The following INPP5A variants were observed in gnomAD, a reference collection of about 807,000 sequenced individuals.
The protein encoded by INPP5A is inositol polyphosphate-5-phosphatase A, also known as 43 kDa inositol polyphosphate 5-phophatase.
A neutral mutation model predicts 65.2 loss-of-function variants in INPP5A; 14 were observed. The observed-to-expected ratio is 0.21, with a 90% CI of 0.14 to 0.34. INPP5A has a LOEUF of 0.34. Among genes scored for constraint, INPP5A ranks in the 10% least tolerant of loss-of-function variants. The pLI is 1.00. For missense variants in INPP5A, 431 were observed against 545.6 expected, an observed-to-expected ratio of 0.79 and a Z score of 2.09; for synonymous variants, 207 against 208.3, an observed-to-expected ratio of 0.99 and a Z score of 0.05.
At chr10:132,611,101 T>G (rs964161213) in intron 2 of INPP5A, among the ~76,000 whole-genome samples, 733 of 45,326 alleles carry the variant, frequency 0.016, no homozygotes, top group Middle Eastern at 0.03. Context: ...GGATGTGGGG[T>G]GGGAGGTGAG....
rs1447135930 is a variant in INPP5A at position 132,538,234 on chromosome 10, C to T, written c.75+63C>T. ...AACCCCCGACCCTGACCCCGGGGTC[C>T]CGAACTGCAAGCCTTGGACCCTGGA... On this transcript the variant is annotated intron_variant, in intron 1 of 15. Transcript: ENST00000368594. The surrounding 1 kb of genome is among the most constrained non-coding windows in gnomAD (Gnocchi z 4.1). The T allele has an allele frequency of 5.0e-6, 5 of 1,009,580 alleles. No homozygotes were observed. Among genetic ancestry groups the T allele is most frequent in the Non-Finnish European group, 6.4e-6 (5 of 786,224 alleles). The allele number at this position is 1,009,580 out of a possible 1,614,324, so 62.5% of individuals were successfully genotyped here.
intron 9 of INPP5A, among the ~76,000 whole-genome samples, chr10:132,737,380 C>T (rs2134608895): frequency 6.6e-6 from 1 of 152,240 alleles, no homozygotes; most frequent in East Asian, 1.9e-4. Flanking sequence ...CCTCCTGCTG[C>T]CGTGGGTTAA....
At chr10:132,566,500 A>G (rs2071276679) in intron 1 of INPP5A, among the ~76,000 whole-genome samples, 3 of 152,220 alleles carry the variant, frequency 2.0e-5, no homozygotes, top group Non-Finnish European at 4.4e-5. Context: ...CCCAATAGCA[A>G]ATAAACTCGA....
chr10:132,675,763 T>C lies in INPP5A; in HGVS notation c.307-14629T>C, dbSNP rs2133445173. Among the ~76,000 whole-genome samples the C allele has an allele frequency of 6.6e-6, 1 of 152,364 alleles. No homozygotes were observed. Among genetic ancestry groups the C allele is most frequent in the East Asian group, 1.9e-4 (1 of 5,190 alleles). ...AGTAGATGGCAATTTCCTAATATAA[T>C]GGACATTTAAAACTCAATTAAGGCT... On this transcript the variant is annotated intron_variant, in intron 4 of 15. Coordinates refer to ENST00000368594, the MANE Select transcript of INPP5A (RefSeq NM_005539.5). The surrounding 1 kb of genome is among the most constrained non-coding windows in gnomAD (Gnocchi z 4.2).
At chr10:132,712,432 C>T (rs559680386) in intron 8 of INPP5A, among the ~76,000 whole-genome samples, 12 of 145,294 alleles carry the variant, frequency 8.3e-5, no homozygotes, top group East Asian at 2.1e-4. Context: ...TGTGTGTGCA[C>T]GCGTGTGTGG....
chr10:132,656,962 G>A (rs1021780228), intron 4 of INPP5A, among the ~76,000 whole-genome samples: 4 of 152,212 alleles, frequency 2.6e-5, no homozygotes, highest in Non-Finnish European at 4.4e-5. Flanking sequence ...GACTTGGGCA[G>A]GCCTGAGCCT....
rs1590938863 is a variant in INPP5A, at chr10:132,704,033, A to C, written c.475-4280A>C. On this transcript the variant is annotated intron_variant, in intron 6 of 15. Transcript: ENST00000368594. The surrounding 1 kb of genome is among the most constrained non-coding windows in gnomAD (Gnocchi z 4.5). ...CACCCCCCCACACACGCGTGGCTTCACCCCCACACACACGCAGCTTCACCC... is the reference window on the plus strand; with the variant it reads ...CACCCCCCCACACACGCGTGGCTTCCCCCCCACACACACGCAGCTTCACCC... Among the ~76,000 whole-genome samples, 3 of 127,646 alleles carry C rather than the reference A, an allele frequency of 2.4e-5. No individual in the cohort carries two copies. Among genetic ancestry groups the C allele is most frequent in the Non-Finnish European group, 3.4e-5 (2 of 59,538 alleles). 83.7% of individuals were successfully genotyped at this position (127,646 alleles called of 152,430 possible). A position where few individuals can be genotyped will look rare whatever the true frequency, so the allele number is the denominator to read the frequency against.
rs2072379108 is a variant in INPP5A at position 132,637,988 on chromosome 10, ATAG to A, written c.118-7879_118-7877del. 6.6e-6 allele frequency among the ~76,000 whole-genome samples: 1 copy of A among 152,014 alleles called. No individual in the cohort carries two copies. Among genetic ancestry groups the A allele is most frequent in the African/African-American group, 2.4e-5 (1 of 41,374 alleles). On this transcript the variant is annotated intron_variant, in intron 2 of 15. Coordinates refer to ENST00000368594, the MANE Select transcript of INPP5A (RefSeq NM_005539.5). The surrounding 1 kb of genome is among the most constrained non-coding windows in gnomAD (Gnocchi z 4.1). ...TGGGGTTTGCAAGATTCCTAATTTAATAGCACCCTCTTGTGTTGGTATTGCAAA... is the reference window on the plus strand; with the variant it reads ...TGGGGTTTGCAAGATTCCTAATTTAACACCCTCTTGTGTTGGTATTGCAAA...
chr10:132,578,361 C>T (rs1458704495), intron 1 of INPP5A, among the ~76,000 whole-genome samples: 21 of 152,230 alleles, frequency 1.4e-4, no homozygotes, highest in Non-Finnish European at 2.1e-4. Context: ...CCCTGGTTCT[C>T]TCCACTGGGT....
intron 8 of INPP5A, among the ~76,000 whole-genome samples, chr10:132,715,162 AC>A: frequency 6.6e-6 from 1 of 152,344 alleles, no homozygotes; most frequent in South Asian, 2.1e-4. Flanking sequence ...CTTCCTAGGC[AC>A]CATCCACTGA....
chr10:132,577,230 G>C (rs1890178), intron 1 of INPP5A, among the ~76,000 whole-genome samples: 152,165 of 152,234 alleles, frequency 1, 76,048 homozygotes, highest in Middle Eastern at 1. Context: ...GCTCCCCCCC[G>C]GCACGCCGCC....
chr10:132,716,754 AG>A (rs1224538432), intron 8 of INPP5A, among the ~76,000 whole-genome samples: 1 of 152,218 alleles, frequency 6.6e-6, no homozygotes, highest in Non-Finnish European at 1.5e-5. Context: ...GCGGTGTCCA[AG>A]CAGAGTTTGA....
chr10:132,712,728 ATGTGTAGGTGTG>A (rs1845666724), intron 8 of INPP5A, among the ~76,000 whole-genome samples: 2 of 144,472 alleles, frequency 1.4e-5, no homozygotes, highest in African/African-American at 5.2e-5. Flanking sequence ...AGGTGTATGC[ATGTGTAGGTGTG>A]TGTGTAGGTG....
chr10:132,758,006 T>C (rs886255178), intron 11 of INPP5A, among the ~76,000 whole-genome samples: 4 of 143,176 alleles, frequency 2.8e-5, no homozygotes, highest in Non-Finnish European at 6.1e-5. Context: ...GGTCTCTGGC[T>C]GACCCCACAA....
chr10:132,632,205 T>G (rs1564941731), intron 2 of INPP5A, among the ~76,000 whole-genome samples: 1 of 152,236 alleles, frequency 6.6e-6, no homozygotes, highest in African/African-American at 2.4e-5. Context: ...CAATATGTTT[T>G]GTTGAAGGGA....
At chr10:132,544,698 T>C (rs1209652987) in intron 1 of INPP5A, among the ~76,000 whole-genome samples, 2 of 152,082 alleles carry the variant, frequency 1.3e-5, no homozygotes, top group African/African-American at 4.8e-5. Flanking sequence ...TTTAGACTTT[T>C]GGAATAAGCC....
Position 132,678,020 on chromosome 10 carries a change from C to T in INPP5A, c.307-12372C>T, listed in dbSNP as rs888645015. On this transcript the variant is annotated intron_variant, in intron 4 of 15. Coordinates refer to ENST00000368594, the MANE Select transcript of INPP5A (RefSeq NM_005539.5). The surrounding 1 kb of genome is among the most constrained non-coding windows in gnomAD (Gnocchi z 4.1). ...AATGAGATTACGTGTGCATCTCTCCCGCCAGCAGCCAGCCGGGAGAGGGGC... is the reference window on the plus strand; with the variant it reads ...AATGAGATTACGTGTGCATCTCTCCTGCCAGCAGCCAGCCGGGAGAGGGGC... Among the ~76,000 whole-genome samples the T allele has an allele frequency of 8.5e-5, 13 of 152,348 alleles. No individual in the cohort carries two copies. The highest frequency in any genetic ancestry group is 3.3e-4 in the Admixed American group (5 of 15,312).
chr10:132,757,337 G>A (rs1049078632), intron 11 of INPP5A, among the ~76,000 whole-genome samples: 1 of 152,244 alleles, frequency 6.6e-6, no homozygotes, highest in Non-Finnish European at 1.5e-5. Context: ...CGCGAGCGGG[G>A]CTCCGCAGAG....
intron 2 of INPP5A, among the ~76,000 whole-genome samples, chr10:132,631,347 GCAGCC>G (rs2072270737): frequency 6.6e-6 from 1 of 152,198 alleles, no homozygotes; most frequent in Non-Finnish European, 1.5e-5. Flanking sequence ...AGCACCCGTT[GCAGCC>G]CAGCCCAGCC....
Sources: allele counts gnomAD v4.1 joint callset (sites outside exome capture counted in the v4.1 genomes callset), GRCh38; gene constraint gnomAD v4.1.1; non-coding constraint Gnocchi (gnomAD v3.1); transcripts MANE v1.5; gene names NCBI Gene and HGNC (gene_info 2026-07-23, HGNC 2026-07-21).